Variants in HNF4A observed in about 807,000 individuals in gnomAD.
HNF4A encodes the protein hepatocyte nuclear factor 4 alpha, also known as hepatocyte nuclear factor 4-alpha.
A neutral mutation model predicts 52.4 loss-of-function variants in HNF4A; 15 were observed. The observed-to-expected ratio is 0.29, with a 90% CI of 0.19 to 0.44. HNF4A has a LOEUF of 0.44. HNF4A is among the 20% of genes least tolerant of loss of function. The pLI, the probability that HNF4A is intolerant of heterozygous loss-of-function variation, is 1.00. For missense variants in HNF4A, 479 were observed against 647.2 expected (o/e 0.74, Z 2.82); for synonymous variants, 280 against 264.4 (o/e 1.06, Z -0.57).
Position 44,368,457 on chromosome 20 carries a change from A to C in HNF4A, c.49+12604A>C, listed in dbSNP as rs112283483. Among the ~76,000 whole-genome samples, 1,093 of 151,872 alleles carry C rather than the reference A, an allele frequency of 7.2e-3. 16 individuals carry two copies. The highest frequency in any genetic ancestry group is 0.025 in the African/African-American group (1,027 of 41,408). ...GCTGGGATTATAAGTGTGAGCCACC[A>C]GGCCCTGCCAGGAAGATGGGTTTTA... On this transcript the variant is annotated intron_variant, in intron 1 of 9. Transcript: ENST00000316673.
At chr20:44,382,821 G>A (rs1039255819) in intron 1 of HNF4A, among the ~76,000 whole-genome samples, 2 of 152,058 alleles carry the variant, frequency 1.3e-5, no homozygotes, top group Non-Finnish European at 2.9e-5. Context: ...AATCATCCAG[G>A]TGATTTATTT....
At position 44,428,395 on chromosome 20, in the gene HNF4A, A is replaced by T; in HGVS notation, c.1190A>T (p.His397Leu). 12 of 1,614,146 alleles carry T rather than the reference A, an allele frequency of 7.4e-6. No individual in the cohort carries two copies. Among genetic ancestry groups the T allele is most frequent in the Non-Finnish European group, 1.0e-5 (12 of 1,180,008 alleles). ...CTGCACCCTCACCTGATGCAGGAAC[A>T]TATGGGAACCAACGTCATCGTTGCC... Residue 397 changes from histidine to leucine, a missense_variant, in exon 9 of 10, where the codon CAT becomes CTT. By Grantham distance (99) the His-to-Leu change is moderately conservative. Transcript: ENST00000316099.
chr20:44,430,351 CCTT>C lies in HNF4A; in HGVS notation c.*691_*693del, dbSNP rs2063863839. The C allele has an allele frequency of 1.3e-5, 2 of 152,476 alleles. No individual in the cohort carries two copies. The highest frequency in any genetic ancestry group is 4.8e-5 in the African/African-American group (2 of 41,462). The allele number at this position is 152,476 out of a possible 1,614,324, so 9.4% of individuals were successfully genotyped here. ...TTCTCCTCCAACCCAACCTCATCCT[CCTT>C]CTTCAGGGACTTGGGTGGGTACTTG... On this transcript the variant is annotated 3_prime_UTR_variant, in exon 10 of 10. Coordinates refer to ENST00000316099, the MANE Select transcript of HNF4A (RefSeq NM_000457.6).
chr20:44,394,817 C>T (rs928867770), intron 1 of HNF4A, among the ~76,000 whole-genome samples: 1 of 152,190 alleles, frequency 6.6e-6, no homozygotes, highest in African/African-American at 2.4e-5. Flanking sequence ...TGAGGAAAAC[C>T]GCAAACTCAT....
chr20:44,364,018 A>G (rs562849027), intron 1 of HNF4A, among the ~76,000 whole-genome samples: 160 of 152,156 alleles, frequency 1.1e-3, no homozygotes, highest in African/African-American at 3.4e-3. Flanking sequence ...AAATGGAGGT[A>G]TGACAACCAT....
intron 8 of HNF4A, among the ~76,000 whole-genome samples, chr20:44,427,441 T>G (rs897846346): frequency 1.3e-5 from 2 of 152,240 alleles, no homozygotes; most frequent in African/African-American, 4.8e-5. Flanking sequence ...CAACAGTACC[T>G]GGCACGTGAT....
intron 1 of HNF4A, among the ~76,000 whole-genome samples, chr20:44,368,666 T>A (rs2062998767): frequency 6.6e-6 from 1 of 152,122 alleles, no homozygotes; most frequent in East Asian, 1.9e-4. Flanking sequence ...ATGTAAAATG[T>A]TAGTATGTAT....
intron 1 of HNF4A, among the ~76,000 whole-genome samples, chr20:44,379,462 A>T (rs1271110586): frequency 6.6e-6 from 1 of 152,034 alleles, no homozygotes; most frequent in East Asian, 1.9e-4. Context: ...ATCTTCACCA[A>T]CACTTACTAT....
upstream of HNF4A, among the ~76,000 whole-genome samples, chr20:44,400,701 C>G (rs1383052721): frequency 1.3e-5 from 2 of 152,116 alleles, no homozygotes; most frequent in Admixed American, 1.3e-4. Flanking sequence ...GTGAATCTGG[C>G]CCTCCCAAAC....
At chr20:44,422,688 T>TA (rs2063762767) in intron 7 of HNF4A, among the ~76,000 whole-genome samples, 2 of 147,456 alleles carry the variant, frequency 1.4e-5, no homozygotes, top group South Asian at 4.2e-4. Context: ...TAAATATATA[T>TA]TTTTTAAAAT....
At chr20:44,398,763 G>A (rs1307439887), upstream of HNF4A, among the ~76,000 whole-genome samples, 2 of 152,154 alleles carry the variant, frequency 1.3e-5, no homozygotes, top group African/African-American at 2.4e-5. Context: ...TGGATATAAC[G>A]GGTCATGGCT....
chr20:44,379,797 G>T (rs977192342), intron 1 of HNF4A, among the ~76,000 whole-genome samples: 2 of 144,888 alleles, frequency 1.4e-5, no homozygotes, highest in African/African-American at 2.6e-5. Flanking sequence ...GCAGTGGCGC[G>T]ATCTTGGCTC....
intron 4 of HNF4A, 62 bp from the exon 5 acceptor site, chr20:44,414,445 G>A (rs1239084779): frequency 5.0e-6 from 8 of 1,609,334 alleles, no homozygotes; most frequent in Non-Finnish European, 6.0e-6. Flanking sequence ...CTCTGTGCAG[G>A]GGACAGAGAG....
At chr20:44,359,830 G>A (rs2062898400) in intron 1 of HNF4A, among the ~76,000 whole-genome samples, 1 of 152,156 alleles carries the variant, frequency 6.6e-6, no homozygotes, top group African/African-American at 2.4e-5. Flanking sequence ...TACCACAATG[G>A]AGTAGAGTAG....
intron 1 of HNF4A, chr20:44,402,452 T>C: frequency 1.5e-6 from 1 of 653,728 alleles, no homozygotes; most frequent in Non-Finnish European, 2.4e-6. Context: ...GGGTCAGCGG[T>C]CTCTGGTGTG....
chr20:44,365,147 G>A (rs990605551), intron 1 of HNF4A, among the ~76,000 whole-genome samples: 9 of 151,894 alleles, frequency 5.9e-5, no homozygotes, highest in Non-Finnish European at 1.0e-4. Context: ...ATTTAAAAAA[G>A]TATCTTTTTT....
chr20:44,411,462 G>C (rs990487624), intron 3 of HNF4A, among the ~76,000 whole-genome samples: 3 of 146,636 alleles, frequency 2.0e-5, no homozygotes, highest in Non-Finnish European at 3.0e-5. Context: ...CTTTCATTCC[G>C]CCCGCCGGCC....
intron 3 of HNF4A, among the ~76,000 whole-genome samples, chr20:44,411,044 T>C (rs1165083551): frequency 2.6e-5 from 4 of 152,166 alleles, no homozygotes; most frequent in African/African-American, 9.7e-5. Flanking sequence ...AAGAATTCTT[T>C]CCTGCAACCG....
At position 44,428,366 on chromosome 20, in the gene HNF4A, C is replaced by A. The variant is rs372765956; in HGVS notation, c.1161C>A (p.His387Gln). Reference sequence around the variant, plus strand: ...CCAGCGATGCACCCCATGCCCACCACCCCCTGCACCCTCACCTGATGCAGG... The same window carrying A: ...CCAGCGATGCACCCCATGCCCACCAACCCCTGCACCCTCACCTGATGCAGG... The change falls in exon 9 of 10, where the codon CAC becomes CAA. Residue 387 changes from histidine (H) to glutamine (Q), a missense_variant. Physicochemically the swap from His to Gln is conservative, Grantham distance 24. Coordinates refer to ENST00000316099, the MANE Select transcript of HNF4A (RefSeq NM_000457.6). The A allele has an allele frequency of 5.6e-6, 9 of 1,613,926 alleles. No individual in the cohort carries two copies. The African/African-American group carries it at 1.1e-4, about 19-fold the overall frequency.
Sources: gnomAD v4.1 joint callset for allele counts (sites outside exome capture counted in the v4.1 genomes callset) on GRCh38, gnomAD v4.1.1 for gene constraint, MANE v1.5 for transcripts, NCBI Gene and HGNC (gene_info 2026-07-23, HGNC 2026-07-21) for gene names.